RAP1GDS1: variants seen among roughly 807,000 people sequenced by gnomAD.
The protein encoded by RAP1GDS1 is Rap1 GTPase-GDP dissociation stimulator 1, also known as RAP1, GTP-GDP dissociation stimulator 1.
RAP1GDS1 carries 35 observed loss-of-function variants against 71.1 expected under a neutral mutation model. That is an observed-to-expected ratio of 0.49 (90% confidence interval 0.38 to 0.65). The LOEUF is 0.65. RAP1GDS1 is among the 30% of genes least tolerant of loss of function. The pLI is 0.00. For synonymous variants in RAP1GDS1, 229 were observed against 243.1 expected (o/e 0.94, Z 0.54); for missense variants, 663 against 706.1 (o/e 0.94, Z 0.69).
At chr4:98,441,613 T>G in intron 14 of RAP1GDS1, 1 of 984,836 alleles carries the variant, frequency 1.0e-6, no homozygotes, top group Non-Finnish European at 1.2e-6. Context: ...TTTTAAAAAT[T>G]GGGCAAGTAG....
At chr4:98,314,758 C>T (rs1345433821) in intron 2 of RAP1GDS1, among the ~76,000 whole-genome samples, 4 of 152,188 alleles carry the variant, frequency 2.6e-5, no homozygotes, top group Admixed American at 6.5e-5. Context: ...GAGCTGATTA[C>T]GAAGTGTTGT....
At position 98,443,015 on chromosome 4, in the gene RAP1GDS1, A is replaced by ATTTTTTTTTCTTTTTTTTTTTTTTTT. The variant is rs543199019; in HGVS notation, c.*907_*908insCTTTTTTTTTTTTTTTTTTTTTTTTT. 1.2e-3 allele frequency: 167 copies of ATTTTTTTTTCTTTTTTTTTTTTTTTT among 138,282 alleles called. 4 individuals carry two copies. Among genetic ancestry groups the ATTTTTTTTTCTTTTTTTTTTTTTTTT allele is most frequent in the Admixed American group, 2.5e-3 (26 of 10,412 alleles). The allele number at this position is 138,282 out of a possible 1,614,324, so 8.6% of individuals were successfully genotyped here. ...TGAGTATAGTTCATTGAAGAATGGAATTTTTTTTTTTTTTTTTTTTTTTGC... is the reference window on the plus strand; with the variant it reads ...TGAGTATAGTTCATTGAAGAATGGAATTTTTTTTTCTTTTTTTTTTTTTTTTTTTTTTTTTTTTTTTTTTTTTTTGC... On this transcript the variant is annotated 3_prime_UTR_variant, in exon 15 of 15. Transcript: ENST00000408927.
chr4:98,366,779 A>T (rs1187741155), intron 4 of RAP1GDS1, among the ~76,000 whole-genome samples: 1 of 152,154 alleles, frequency 6.6e-6, no homozygotes, highest in African/African-American at 2.4e-5. Context: ...GGAACTTTGG[A>T]CTTGAGAGAG....
chr4:98,283,817 ATTTTTTTT>A (rs10582639), intron 1 of RAP1GDS1, among the ~76,000 whole-genome samples: 3 of 133,966 alleles, frequency 2.2e-5, no homozygotes, highest in African/African-American at 8.3e-5. Context: ...TTTCATTGTG[ATTTTTTTT>A]TTTTTTTTTT....
intron 7 of RAP1GDS1, among the ~76,000 whole-genome samples, chr4:98,413,699 T>A (rs962113142): frequency 6.6e-5 from 10 of 152,126 alleles, no homozygotes; most frequent in African/African-American, 2.4e-4. Flanking sequence ...TGTGTCTTTA[T>A]AGCAGCATGA....
At chr4:98,407,466 T>C (rs1315556118) in intron 7 of RAP1GDS1, among the ~76,000 whole-genome samples, 1 of 150,310 alleles carries the variant, frequency 6.7e-6, no homozygotes, top group Non-Finnish European at 1.5e-5. Flanking sequence ...ATGGGGTGTG[T>C]ATACACACAC....
Position 98,348,593 on chromosome 4 carries a change from A to G in RAP1GDS1, c.236-3883A>G, listed in dbSNP as rs182505002. On this transcript the variant is annotated intron_variant, in intron 3 of 14. Transcript: ENST00000408927. Reference sequence around the variant, plus strand: ...TTTACAGTCCCACCAACAGTGTAAAAGTGTTCCTATTTCTCCACAGCCAAT... The same window carrying G: ...TTTACAGTCCCACCAACAGTGTAAAGGTGTTCCTATTTCTCCACAGCCAAT... 3.2e-3 allele frequency among the ~76,000 whole-genome samples: 488 copies of G among 152,298 alleles called. 2 individuals are homozygous for G. The highest frequency in any genetic ancestry group is 0.011 in the African/African-American group (474 of 41,568).
At chr4:98,414,392 C>A (rs71612629) in intron 7 of RAP1GDS1, among the ~76,000 whole-genome samples, 25,180 of 93,180 alleles carry the variant, frequency 0.27, 5,157 homozygotes, top group African/African-American at 0.62. Flanking sequence ...TGATTTTTGT[C>A]TAAGGTGTAA....
At chr4:98,314,879 C>G (rs372963948) in intron 2 of RAP1GDS1, among the ~76,000 whole-genome samples, 1 of 151,906 alleles carries the variant, frequency 6.6e-6, no homozygotes, top group Non-Finnish European at 1.5e-5. Context: ...ATAGGTATAC[C>G]GTTGTTTTTT....
Position 98,442,154 on chromosome 4 carries a change from T to C in RAP1GDS1, c.*37T>C. Reference sequence around the variant, plus strand: ...TACACGGCATCATCCCATCTCTAATTTCCCCTCTGTCCTCCATCCAGCGGC... The same window carrying C: ...TACACGGCATCATCCCATCTCTAATCTCCCCTCTGTCCTCCATCCAGCGGC... On this transcript the variant is annotated 3_prime_UTR_variant, in exon 15 of 15. Coordinates refer to ENST00000408927, the MANE Select transcript of RAP1GDS1 (RefSeq NM_001100427.2). 6.2e-7 allele frequency: 1 copy of C among 1,603,650 alleles called. No individual in the cohort carries two copies. Among genetic ancestry groups the C allele is most frequent in the Non-Finnish European group, 8.5e-7 (1 of 1,176,886 alleles).
chr4:98,430,307 A>G (rs1213301968), intron 12 of RAP1GDS1, among the ~76,000 whole-genome samples: 1 of 152,194 alleles, frequency 6.6e-6, no homozygotes, highest in Non-Finnish European at 1.5e-5. Flanking sequence ...TATCTTTCCT[A>G]CAATTGAGAG....
chr4:98,434,779 CCTGA>C (rs1378347902), intron 13 of RAP1GDS1, among the ~76,000 whole-genome samples: 10 of 151,988 alleles, frequency 6.6e-5, no homozygotes, highest in Non-Finnish European at 1.5e-4. Context: ...TGCCACTGTG[CCTGA>C]CTAATTTTTG....
At chr4:98,323,093 A>T (rs921927716) in intron 2 of RAP1GDS1, among the ~76,000 whole-genome samples, 13 of 151,466 alleles carry the variant, frequency 8.6e-5, no homozygotes, top group African/African-American at 2.9e-4. Context: ...AGGGGATATC[A>T]CCACCGATCC....
intron 12 of RAP1GDS1, among the ~76,000 whole-genome samples, chr4:98,425,361 A>G (rs1012369020): frequency 1.3e-5 from 2 of 152,224 alleles, no homozygotes; most frequent in African/African-American, 4.8e-5. Flanking sequence ...AACAGATAGC[A>G]TGATGAATGG....
In RAP1GDS1 at chr4:98,305,528, G is replaced by C. The variant is rs192814381; in HGVS notation, c.112+12013G>C. On this transcript the variant is annotated intron_variant, in intron 2 of 14. Transcript: ENST00000408927. ...TATCCAAATATATTCTTACCTAGGA[G>C]TTTATAGAAAAGGGAGCATGGAAAG... 2.5e-3 allele frequency among the ~76,000 whole-genome samples: 378 copies of C among 152,248 alleles called. 2 individuals carry two copies. In the Middle Eastern group the frequency reaches 0.027, roughly 11 times the overall value.
rs139340720 is a variant in RAP1GDS1, at chr4:98,344,236, C to G, written c.235+975C>G. Among the ~76,000 whole-genome samples the G allele has an allele frequency of 4.3e-3, 652 of 152,252 alleles. 4 individuals carry two copies. Among genetic ancestry groups the G allele is most frequent in the African/African-American group, 0.015 (612 of 41,542 alleles). ...TTGGTGGTTGTTAGAAAATTGGCCA[C>G]TTATCACTCTTATATGTCACATCTA... On this transcript the variant is annotated intron_variant, in intron 3 of 14. Coordinates refer to ENST00000408927, the MANE Select transcript of RAP1GDS1 (RefSeq NM_001100427.2).
intron 2 of RAP1GDS1, among the ~76,000 whole-genome samples, chr4:98,309,617 A>G (rs1729908044): frequency 6.6e-6 from 1 of 152,010 alleles, no homozygotes. Context: ...CCAAATTTAA[A>G]AAGAATTTGT....
intron 7 of RAP1GDS1, among the ~76,000 whole-genome samples, chr4:98,411,429 A>T (rs1747047053): frequency 6.6e-6 from 1 of 152,078 alleles, no homozygotes; most frequent in African/African-American, 2.4e-5. Flanking sequence ...AACCTGGGCA[A>T]CACAGCAAGA....
chr4:98,437,807 A>AT (rs996196300), intron 14 of RAP1GDS1, among the ~76,000 whole-genome samples: 2,061 of 141,094 alleles, frequency 0.015, 41 homozygotes, highest in African/African-American at 0.052. Context: ...AAAAAAAAAA[A>AT]TTTTTTTTTT....
Sources: allele counts gnomAD v4.1 joint callset (sites outside exome capture counted in the v4.1 genomes callset), GRCh38; gene constraint gnomAD v4.1.1; transcripts MANE v1.5; gene names NCBI Gene and HGNC (gene_info 2026-07-23, HGNC 2026-07-21).